The following AUH variants were observed in gnomAD, a reference collection of about 807,000 sequenced individuals.
AUH encodes the protein methylglutaconyl-CoA hydratase, mitochondrial.
A neutral mutation model predicts 42.3 loss-of-function variants in AUH; 29 were observed. That is an observed-to-expected ratio of 0.69 (90% CI 0.51 to 0.93). The LOEUF is 0.93. AUH is among the 40% of genes least tolerant of loss of function. The pLI, the probability that AUH is intolerant of heterozygous loss-of-function variation, is 0.00. For synonymous variants in AUH, 174 were observed against 166.4 expected, an observed-to-expected ratio of 1.05 and a Z score of -0.35; for missense variants, 452 against 438.1, an observed-to-expected ratio of 1.03 and a Z score of -0.28.
intron 4 of AUH, among the ~76,000 whole-genome samples, chr9:91,323,758 T>A (rs760347242): frequency 1.3e-5 from 2 of 151,374 alleles, no homozygotes; most frequent in Admixed American, 6.6e-5. Context: ...AAAAAAGATA[T>A]AAGACCAAGA....
intron 4 of AUH, among the ~76,000 whole-genome samples, chr9:91,317,965 G>A (rs1186560743): frequency 6.6e-6 from 1 of 152,206 alleles, no homozygotes; most frequent in Admixed American, 6.5e-5. Context: ...TCCTGGGAAA[G>A]CCCAATTTGG....
chr9:91,215,958 C>G, intron 9 of AUH, 101 bp downstream of exon 9: 1 of 1,266,492 alleles, frequency 7.9e-7, no homozygotes, highest in Non-Finnish European at 1.1e-6. Flanking sequence ...TTGGAATGGG[C>G]GCAAGGGTAA....
At chr9:91,223,485 G>T (rs1460939138) in intron 6 of AUH, among the ~76,000 whole-genome samples, 1 of 152,128 alleles carries the variant, frequency 6.6e-6, no homozygotes, top group African/African-American at 2.4e-5. Context: ...AAGGATACCT[G>T]GGTTGCTCTA....
chr9:91,327,087 A>G (rs1830012207), intron 3 of AUH, among the ~76,000 whole-genome samples: 1 of 152,040 alleles, frequency 6.6e-6, no homozygotes, highest in Non-Finnish European at 1.5e-5. Context: ...CGAATCTTAA[A>G]ACCTCCTATC....
intron 6 of AUH, among the ~76,000 whole-genome samples, chr9:91,245,542 C>T (rs539332002): frequency 6.6e-6 from 1 of 152,174 alleles, no homozygotes; most frequent in East Asian, 1.9e-4. Flanking sequence ...AAAAGTAAAG[C>T]AAAAGTGAAA....
At chr9:91,217,392 G>C in intron 7 of AUH, 65 bp from the exon 8 acceptor site, 1 of 1,517,882 alleles carries the variant, frequency 6.6e-7, no homozygotes. Context: ...GTATATCTCA[G>C]TAAAATTCAG....
intron 6 of AUH, among the ~76,000 whole-genome samples, chr9:91,251,901 T>A (rs1226974066): frequency 6.6e-6 from 1 of 152,234 alleles, no homozygotes. Context: ...GAGCTCCAGA[T>A]GCTGTTGACA....
chr9:91,331,357 G>T (rs1273594933), intron 3 of AUH, among the ~76,000 whole-genome samples: 1 of 152,104 alleles, frequency 6.6e-6, no homozygotes, highest in African/African-American at 2.4e-5. Context: ...AGCCAATGAG[G>T]TTTATCTGAG....
chr9:91,319,461 T>C (rs1016309686), intron 4 of AUH, among the ~76,000 whole-genome samples: 29 of 152,168 alleles, frequency 1.9e-4, no homozygotes, highest in African/African-American at 6.8e-4. Flanking sequence ...GGCTGTTAAC[T>C]GTCTCTCTAA....
chr9:91,217,937 G>A (rs925685403), intron 7 of AUH, among the ~76,000 whole-genome samples: 1 of 152,184 alleles, frequency 6.6e-6, no homozygotes, highest in African/African-American at 2.4e-5. Flanking sequence ...TTGTGAGAAG[G>A]AGAATGTTAC....
At chr9:91,240,260 C>G (rs1187813294) in intron 6 of AUH, among the ~76,000 whole-genome samples, 1 of 152,126 alleles carries the variant, frequency 6.6e-6, no homozygotes, top group Non-Finnish European at 1.5e-5. Flanking sequence ...CATTCTTGGC[C>G]AGCTCCCACC....
chr9:91,227,343 GCTCT>G (rs1285856277), intron 6 of AUH, among the ~76,000 whole-genome samples: 12 of 122,404 alleles, frequency 9.8e-5, no homozygotes, highest in South Asian at 3.2e-4. Flanking sequence ...TCATGATTTG[GCTCT>G]CTGTTTGTCT....
chr9:91,305,759 T>C (rs34358976), intron 4 of AUH, among the ~76,000 whole-genome samples: 3,315 of 152,258 alleles, frequency 0.022, 100 homozygotes, highest in Admixed American at 0.083. Context: ...TTTCAATTTA[T>C]AGATGACACA....
chr9:91,330,866 T>C (rs568603088), intron 3 of AUH, among the ~76,000 whole-genome samples: 1 of 152,310 alleles, frequency 6.6e-6, no homozygotes, highest in East Asian at 1.9e-4. Flanking sequence ...GCGATAAAAG[T>C]CATAATAATT....
chr9:91,276,331 C>T (rs1232493778), intron 6 of AUH, among the ~76,000 whole-genome samples: 3 of 150,292 alleles, frequency 2.0e-5, no homozygotes, highest in African/African-American at 7.4e-5. Flanking sequence ...CTTGAGAAAG[C>T]GAAGCACAAG....
chr9:91,339,327 G>T (rs1477618824), intron 3 of AUH, among the ~76,000 whole-genome samples: 1 of 152,222 alleles, frequency 6.6e-6, no homozygotes, highest in South Asian at 2.1e-4. Flanking sequence ...GTGAGGGACT[G>T]TACTGTCAAT....
At chr9:91,338,007 C>G (rs1006521052) in intron 3 of AUH, among the ~76,000 whole-genome samples, 1 of 152,084 alleles carries the variant, frequency 6.6e-6, no homozygotes, top group Non-Finnish European at 1.5e-5. Context: ...CACTTATATC[C>G]TCATCCAGAA....
In AUH at chr9:91,214,192, C is replaced by A. The variant is rs893910546; in HGVS notation, c.*156G>T. The A allele has an allele frequency of 2.5e-5, 17 of 680,438 alleles. No homozygotes were observed. Among genetic ancestry groups the A allele is most frequent in the South Asian group, 2.4e-4 (15 of 63,580 alleles). 42.2% of individuals were successfully genotyped at this position (680,438 alleles called of 1,614,324 possible). ...CATTTACACATTTGAATGAAGTACA[C>A]GGATGGGTCCATTCCAGATGCTTAT... On this transcript the variant is annotated 3_prime_UTR_variant, in exon 10 of 10. Transcript: ENST00000375731.
At chr9:91,348,966 G>C (rs1831745355) in intron 3 of AUH, among the ~76,000 whole-genome samples, 1 of 151,958 alleles carries the variant, frequency 6.6e-6, no homozygotes, top group Admixed American at 6.6e-5. Flanking sequence ...ACCCTATATA[G>C]CTAAACTAAT....
Sources: allele counts gnomAD v4.1 joint callset (sites outside exome capture counted in the v4.1 genomes callset), GRCh38; gene constraint gnomAD v4.1.1; transcripts MANE v1.5; gene names NCBI Gene and HGNC (gene_info 2026-07-23, HGNC 2026-07-21).